The following CDH13 variants were observed in gnomAD, a reference collection of about 807,000 sequenced individuals.
The protein encoded by CDH13 is cadherin 13.
In CDH13, 24 loss-of-function variants were observed where a neutral mutation model predicts 63.8. That is an observed-to-expected ratio of 0.38 (90% CI 0.27 to 0.53). The LOEUF (loss-of-function observed/expected upper bound fraction) is 0.53, where lower values mean the gene tolerates loss of function less well. Ranked by LOEUF, CDH13 falls within the 20% of genes least tolerant of loss-of-function variation. The pLI, the probability that CDH13 is intolerant of heterozygous loss-of-function variation, is 0.85. For synonymous variants in CDH13, 503 were observed against 355.3 expected, an observed-to-expected ratio of 1.42 and a Z score of -4.67; for missense variants, 1,049 against 903.1, an observed-to-expected ratio of 1.16 and a Z score of -2.07.
intron 2 of CDH13, among the ~76,000 whole-genome samples, chr16:82,995,695 T>A (rs567600104): frequency 2.0e-5 from 3 of 152,134 alleles, no homozygotes; most frequent in Non-Finnish European, 4.4e-5. Context: ...TCAAAATAGA[T>A]GTGATACTTC....
rs77218064 is a variant in CDH13, at chr16:83,786,995, C to G, written c.2134+3523C>G. On this transcript the variant is annotated intron_variant, in intron 13 of 13. Transcript: ENST00000567109. ...TGTTCTCTCTCCTCAGAAACAATAGCTACCATGAATTAGCTATTCATGTGT... is the reference window on the plus strand; with the variant it reads ...TGTTCTCTCTCCTCAGAAACAATAGGTACCATGAATTAGCTATTCATGTGT... Among the ~76,000 whole-genome samples, 8 of 152,306 alleles carry G rather than the reference C, an allele frequency of 5.3e-5. No individual in the cohort carries two copies. In the East Asian group the frequency reaches 1.5e-3, roughly 29 times the overall value.
At chr16:83,438,101 A>C (rs2072370138) in intron 6 of CDH13, among the ~76,000 whole-genome samples, 2 of 151,892 alleles carry the variant, frequency 1.3e-5, no homozygotes, top group African/African-American at 4.8e-5. Flanking sequence ...CCTGCTCAAA[A>C]CCCCTTTCAT....
chr16:82,708,239 G>A (rs980131011), intron 1 of CDH13, among the ~76,000 whole-genome samples: 15 of 152,186 alleles, frequency 9.9e-5, no homozygotes, highest in East Asian at 1.9e-4. Flanking sequence ...GTGACGCTGC[G>A]AAATCTAGCT....
chr16:82,826,259 C>A (rs1431045563), intron 1 of CDH13: 1 of 152,194 alleles, frequency 6.6e-6, no homozygotes, highest in African/African-American at 2.4e-5. Flanking sequence ...ATCTTGAAAT[C>A]AGAGGGTTGC....
intron 6 of CDH13, among the ~76,000 whole-genome samples, chr16:83,437,019 G>A (rs1357626506): frequency 6.6e-6 from 1 of 152,102 alleles, no homozygotes; most frequent in Non-Finnish European, 1.5e-5. Context: ...TTAAATCAAA[G>A]TCAAAACAAC....
intron 5 of CDH13, among the ~76,000 whole-genome samples, chr16:83,317,548 T>G (rs2090133315): frequency 1.3e-5 from 2 of 152,070 alleles, no homozygotes; most frequent in African/African-American, 4.8e-5. Flanking sequence ...CAAGTAAGAA[T>G]CCAGTACTTT....
chr16:82,754,585 G>T (rs907361988), intron 1 of CDH13, among the ~76,000 whole-genome samples: 6 of 152,166 alleles, frequency 3.9e-5, no homozygotes, highest in African/African-American at 1.4e-4. Flanking sequence ...CAGAGACACA[G>T]CTTCTACACA....
chr16:82,735,230 C>G (rs2033612764), intron 1 of CDH13, among the ~76,000 whole-genome samples: 1 of 152,192 alleles, frequency 6.6e-6, no homozygotes, highest in African/African-American at 2.4e-5. Context: ...CTTTGCTTAG[C>G]TTAGGTTTAC....
intron 1 of CDH13, among the ~76,000 whole-genome samples, chr16:82,791,930 G>C (rs1006794643): frequency 2.6e-5 from 4 of 152,140 alleles, no homozygotes; most frequent in African/African-American, 9.7e-5. Context: ...CATCTTGGGA[G>C]CGGCCCGCCC....
Position 83,271,422 on chromosome 16 carries a change from T to TTAAAAAAA in CDH13, c.636+53925_636+53926insTAAAAAAA, listed in dbSNP as rs1555522986. 6.2e-3 allele frequency among the ~76,000 whole-genome samples: 161 copies of TTAAAAAAA among 26,028 alleles called. 31 individuals carry two copies. The highest frequency in any genetic ancestry group is 0.019 in the South Asian group (9 of 484). The allele number at this position is 26,028 out of a possible 152,430, so 17.1% of individuals were successfully genotyped here. ...CTACCGCACATTGAGGCAGAGTTCA[T>TTAAAAAAA]AAAAAAAAAAAAAAAAAAAAAAAAA... is the stretch of plus-strand genomic sequence containing the variant. On this transcript the variant is annotated intron_variant, in intron 5 of 13. Transcript: ENST00000567109.
chr16:83,467,571 A>G (rs1026982372), intron 6 of CDH13, among the ~76,000 whole-genome samples: 5 of 152,154 alleles, frequency 3.3e-5, no homozygotes, highest in South Asian at 2.1e-4. Flanking sequence ...CGTGCAGAGG[A>G]GTCTTCCTCC....
intron 5 of CDH13, among the ~76,000 whole-genome samples, chr16:83,264,595 C>G (rs1442584257): frequency 6.6e-6 from 1 of 151,226 alleles, no homozygotes; most frequent in African/African-American, 2.4e-5. Flanking sequence ...TATATATGCC[C>G]TTTAAGACTA....
intron 1 of CDH13, among the ~76,000 whole-genome samples, chr16:82,649,335 T>C (rs1298523308): frequency 1.3e-5 from 2 of 152,090 alleles, no homozygotes; most frequent in African/African-American, 2.4e-5. Context: ...GGATGGATGA[T>C]GGATGGATAC....
At chr16:83,713,735 G>T (rs1908444695) in intron 10 of CDH13, among the ~76,000 whole-genome samples, 1 of 152,140 alleles carries the variant, frequency 6.6e-6, no homozygotes, top group South Asian at 2.1e-4. Context: ...CTGAGGGTTT[G>T]TGGGAAATAT....
chr16:82,710,315 T>C (rs59457746), intron 1 of CDH13, among the ~76,000 whole-genome samples: 17,076 of 144,966 alleles, frequency 0.12, 1,279 homozygotes, highest in African/African-American at 0.2. Flanking sequence ...GGGTGGATCA[T>C]GAGGTCAGGA....
Position 83,661,373 on chromosome 16 carries a change from C to T in CDH13, c.1102-9417C>T, listed in dbSNP as rs559144622. The stretch of plus-strand genomic sequence containing the variant: ...GTGGTGGCACATACACACCCAGCTA[C>T]TAGGGATGCTGAGGCACAAGGATCA... On this transcript the variant is annotated intron_variant, in intron 8 of 13. Transcript: ENST00000567109. Among the ~76,000 whole-genome samples the T allele has an allele frequency of 2.0e-5, 3 of 151,902 alleles. No individual in the cohort carries two copies. In the East Asian group the frequency reaches 5.8e-4, roughly 29 times the overall value.
At chr16:83,138,403 G>A (rs1167487818) in intron 4 of CDH13, among the ~76,000 whole-genome samples, 1 of 152,096 alleles carries the variant, frequency 6.6e-6, no homozygotes, top group Non-Finnish European at 1.5e-5. Flanking sequence ...GGCAGAAGAA[G>A]TAATTCCGAA....
chr16:82,857,019 C>A (rs1388032959), intron 1 of CDH13, among the ~76,000 whole-genome samples: 2 of 152,072 alleles, frequency 1.3e-5, no homozygotes, highest in East Asian at 1.9e-4. Flanking sequence ...GATAAAATAC[C>A]CTTCCACAAG....
intron 1 of CDH13, among the ~76,000 whole-genome samples, chr16:82,741,072 C>T (rs138744001): frequency 0.013 from 2,047 of 152,218 alleles, 30 homozygotes; most frequent in Non-Finnish European, 0.02. Context: ...TCTCACTCTC[C>T]CCACACCCCC....
Sources: allele counts gnomAD v4.1 joint callset (sites outside exome capture counted in the v4.1 genomes callset), GRCh38; gene constraint gnomAD v4.1.1; transcripts MANE v1.5; gene names NCBI Gene and HGNC (gene_info 2026-07-23, HGNC 2026-07-21).